ATXN10: variants seen among roughly 807,000 people sequenced by gnomAD.
ATXN10 encodes ataxin-10.
Under a neutral mutation model 52.9 loss-of-function variants are expected in ATXN10, and 28 were observed. The observed-to-expected ratio is 0.53, with a 90% CI of 0.39 to 0.73. The LOEUF (loss-of-function observed/expected upper bound fraction) is 0.73, where lower values mean the gene tolerates loss of function less well. Among genes scored for constraint, ATXN10 ranks in the 30% least tolerant of loss-of-function variants. ATXN10 has a pLI of 0.00. For synonymous variants in ATXN10, 226 were observed against 221.5 expected, an observed-to-expected ratio of 1.02 and a Z score of -0.18; for missense variants, 565 against 577.0, an observed-to-expected ratio of 0.98 and a Z score of 0.21.
At position 45,741,455 on chromosome 22, in the gene ATXN10, G is replaced by A. The variant is rs572273507; in HGVS notation, c.1173+917G>A. On this transcript the variant is annotated intron_variant, in intron 9 of 11. Transcript: ENST00000252934. ...AGATTCCCAGAGATCACCTTGCTGCGAGTTGCTGAATACACATGGAAAAGC... is the reference window on the plus strand; with the variant it reads ...AGATTCCCAGAGATCACCTTGCTGCAAGTTGCTGAATACACATGGAAAAGC... 3.9e-4 allele frequency among the ~76,000 whole-genome samples: 60 copies of A among 152,238 alleles called. 1 individual carries two copies. Among genetic ancestry groups the A allele is most frequent in the Middle Eastern group, 3.4e-3 (1 of 294 alleles).
At chr22:45,711,963 C>A (rs1469603872) in intron 5 of ATXN10, among the ~76,000 whole-genome samples, 1 of 152,230 alleles carries the variant, frequency 6.6e-6, no homozygotes, top group Admixed American at 6.5e-5. Flanking sequence ...ACGTGTATAT[C>A]TTTTTGTGAA....
chr22:45,700,899 C>G (rs1275888748), intron 4 of ATXN10, among the ~76,000 whole-genome samples: 1 of 152,112 alleles, frequency 6.6e-6, no homozygotes, highest in Non-Finnish European at 1.5e-5. Context: ...AGTAACCAGT[C>G]CATTTATCAG....
rs923006468 is a variant in ATXN10 at position 45,718,590 on chromosome 22, A to G, written c.728+97A>G. 7 of 1,084,770 alleles carry G rather than the reference A, an allele frequency of 6.5e-6. No homozygotes were observed. In the East Asian group the frequency reaches 1.7e-4, roughly 26 times the overall value. The allele number at this position is 1,084,770 out of a possible 1,614,324, so 67.2% of individuals were successfully genotyped here. A position where few individuals can be genotyped will look rare whatever the true frequency, so the allele number is the denominator to read the frequency against. ...AGCTGTGTGGTTTCTGAGTTGGCAC[A>G]GAATCTCTAAATACATGTTTCTGTG... is the stretch of plus-strand genomic sequence containing the variant. On this transcript the variant is annotated intron_variant, in intron 6 of 11. Coordinates refer to ENST00000252934, the MANE Select transcript of ATXN10 (RefSeq NM_013236.4). This position sits in a 1 kb window ranked among gnomAD's most constrained non-coding sequence, Gnocchi z 4.4.
In ATXN10 at chr22:45,824,006, G is replaced by A. The variant is rs186851600; in HGVS notation, c.1237+16984G>A. Among the ~76,000 whole-genome samples, 61 of 152,268 alleles carry A rather than the reference G, an allele frequency of 4.0e-4. No individual in the cohort carries two copies. Among genetic ancestry groups the A allele is most frequent in the East Asian group, 3.9e-3 (20 of 5,176 alleles). ...CAAAGCACATCATGTTTACTTCTTC[G>A]TTTTTTGTTTGTTTGTTTGTTTTGG... On this transcript the variant is annotated intron_variant, in intron 10 of 11. Coordinates refer to ENST00000252934, the MANE Select transcript of ATXN10 (RefSeq NM_013236.4). The surrounding 1 kb of genome is among the most constrained non-coding windows in gnomAD (Gnocchi z 5.2).
chr22:45,704,622 A>G (rs1923968800), intron 5 of ATXN10, among the ~76,000 whole-genome samples: 1 of 152,170 alleles, frequency 6.6e-6, no homozygotes, highest in Non-Finnish European at 1.5e-5. Context: ...TATTAATCTT[A>G]TATCCTGCAA....
chr22:45,817,082 A>G (rs1248127179), intron 10 of ATXN10, among the ~76,000 whole-genome samples: 2 of 152,158 alleles, frequency 1.3e-5, no homozygotes, highest in African/African-American at 4.8e-5. Flanking sequence ...GTCTGCTTTA[A>G]TATCTCATTT....
intron 9 of ATXN10, among the ~76,000 whole-genome samples, chr22:45,802,858 T>A (rs1426928317): frequency 6.6e-6 from 1 of 152,248 alleles, no homozygotes; most frequent in Non-Finnish European, 1.5e-5. Context: ...ATGCATTGAA[T>A]AATAAATCCC....
intron 6 of ATXN10, among the ~76,000 whole-genome samples, chr22:45,720,135 C>G (rs182432703): frequency 1.3e-5 from 2 of 152,158 alleles, no homozygotes; most frequent in Admixed American, 1.3e-4. Flanking sequence ...TCCACTTTAC[C>G]TTTTCAGTTC....
At chr22:45,747,000 G>A (rs1315381292) in intron 9 of ATXN10, among the ~76,000 whole-genome samples, 1 of 152,166 alleles carries the variant, frequency 6.6e-6, no homozygotes, top group Admixed American at 6.5e-5. Context: ...TACTGTAGCA[G>A]CCTCCATCCC....
chr22:45,702,136 GA>G (rs1036858031), intron 4 of ATXN10, among the ~76,000 whole-genome samples: 1 of 151,814 alleles, frequency 6.6e-6, no homozygotes, highest in East Asian at 1.9e-4. Context: ...AAGTTTAAAT[GA>G]AAAAAAATCC....
Position 45,806,005 on chromosome 22 carries a change from A to T in ATXN10, c.1174-954A>T, listed in dbSNP as rs530432260. Among the ~76,000 whole-genome samples the T allele has an allele frequency of 2.0e-5, 3 of 152,364 alleles. No homozygotes were observed. In the East Asian group the frequency reaches 5.8e-4, roughly 29 times the overall value. On this transcript the variant is annotated intron_variant, in intron 9 of 11. Coordinates refer to ENST00000252934, the MANE Select transcript of ATXN10 (RefSeq NM_013236.4). ...TAGTGAGACCTCATCTTTACAAAAAAATAAAATAACAAAATAAACTATGCT... is the reference window on the plus strand; with the variant it reads ...TAGTGAGACCTCATCTTTACAAAAATATAAAATAACAAAATAAACTATGCT...
At chr22:45,710,469 ATTTG>A in intron 5 of ATXN10, among the ~76,000 whole-genome samples, 1 of 152,184 alleles carries the variant, frequency 6.6e-6, no homozygotes, top group South Asian at 2.1e-4. Context: ...TCTTTTATTC[ATTTG>A]TTTAATAGCA....
rs1385470066 is a variant in ATXN10, at chr22:45,708,913, A to C, written c.647+6066A>C. On this transcript the variant is annotated intron_variant, in intron 5 of 11. Transcript: ENST00000252934. The surrounding 1 kb of genome is among the most constrained non-coding windows in gnomAD (Gnocchi z 5.3). ...GCCTGTCTCCCAAAGTGCTGGGATTACAGGCATGAGCCACCGTGCCCACCT... is the reference window on the plus strand; with the variant it reads ...GCCTGTCTCCCAAAGTGCTGGGATTCCAGGCATGAGCCACCGTGCCCACCT... 1.3e-5 allele frequency among the ~76,000 whole-genome samples: 2 copies of C among 152,224 alleles called. No homozygotes were observed. The highest frequency in any genetic ancestry group is 2.9e-5 in the Non-Finnish European group (2 of 68,032).
chr22:45,840,652 C>T lies in ATXN10; in HGVS notation c.1238-2339C>T, dbSNP rs557828562. ...CCTGGAGTGGAGCAGTTTGATAGTC[C>T]CTTTCCTCCAGAGACATCCTGCGTT... On this transcript the variant is annotated intron_variant, in intron 10 of 11. Transcript: ENST00000252934. The surrounding 1 kb of genome is among the most constrained non-coding windows in gnomAD (Gnocchi z 5.8). Among the ~76,000 whole-genome samples the T allele has an allele frequency of 1.3e-5, 2 of 152,176 alleles. No homozygotes were observed. Among genetic ancestry groups the T allele is most frequent in the Non-Finnish European group, 2.9e-5 (2 of 68,040 alleles).
intron 9 of ATXN10, among the ~76,000 whole-genome samples, chr22:45,749,474 A>T (rs1925862578): frequency 6.6e-6 from 1 of 152,198 alleles, no homozygotes; most frequent in South Asian, 2.1e-4. Flanking sequence ...ATTGTATTAC[A>T]GCTTTTTCCA....
rs1928627283 is a variant in ATXN10 at position 45,820,978 on chromosome 22, A to G, written c.1237+13956A>G. Among the ~76,000 whole-genome samples the G allele has an allele frequency of 6.6e-6, 1 of 152,164 alleles. No homozygotes were observed. Among genetic ancestry groups the G allele is most frequent in the African/African-American group, 2.4e-5 (1 of 41,432 alleles). ...CTTTAAGATTTTTCACCTGAATATGACGAGACTTAACTTTTACAAGAGAGT... is the reference window on the plus strand; with the variant it reads ...CTTTAAGATTTTTCACCTGAATATGGCGAGACTTAACTTTTACAAGAGAGT... On this transcript the variant is annotated intron_variant, in intron 10 of 11. Coordinates refer to ENST00000252934, the MANE Select transcript of ATXN10 (RefSeq NM_013236.4). The surrounding 1 kb of genome is among the most constrained non-coding windows in gnomAD (Gnocchi z 4.9).
At chr22:45,771,089 C>T (rs1926761262) in intron 9 of ATXN10, among the ~76,000 whole-genome samples, 1 of 152,178 alleles carries the variant, frequency 6.6e-6, no homozygotes, top group African/African-American at 2.4e-5. Flanking sequence ...CAGTCGCATT[C>T]CTAAGTATTT....
chr22:45,764,027 C>G (rs937645289), intron 9 of ATXN10, among the ~76,000 whole-genome samples: 12 of 152,342 alleles, frequency 7.9e-5, no homozygotes, highest in Admixed American at 7.2e-4. Context: ...TCCCCGGCCT[C>G]TCCGGCAGCC....
At chr22:45,751,916 T>G (rs1045457777) in intron 9 of ATXN10, among the ~76,000 whole-genome samples, 7 of 151,544 alleles carry the variant, frequency 4.6e-5, no homozygotes, top group Non-Finnish European at 1.5e-5. Flanking sequence ...ATAAAAGACT[T>G]TTTTCCTGTC....
Sources: allele counts gnomAD v4.1 joint callset (sites outside exome capture counted in the v4.1 genomes callset), GRCh38; gene constraint gnomAD v4.1.1; non-coding constraint Gnocchi (gnomAD v3.1); transcripts MANE v1.5; gene names NCBI Gene and HGNC (gene_info 2026-07-23, HGNC 2026-07-21).